Variants in FARS2 observed in about 807,000 individuals in gnomAD.
FARS2 encodes the protein phenylalanine--tRNA ligase, mitochondrial.
In FARS2, 40 loss-of-function variants were observed where a neutral mutation model predicts 46.4. The ratio of observed to expected loss-of-function variants is 0.86; its 90% CI spans 0.67 to 1.12. The LOEUF (loss-of-function observed/expected upper bound fraction) is 1.12, where lower values mean the gene tolerates loss of function less well. FARS2 is among the 50% of genes most tolerant of loss of function. The pLI, the probability that FARS2 is intolerant of heterozygous loss-of-function variation, is 0.00. For synonymous variants in FARS2, 234 were observed against 214.9 expected, an observed-to-expected ratio of 1.09 and a Z score of -0.78; for missense variants, 513 against 567.9, an observed-to-expected ratio of 0.90 and a Z score of 0.98.
intron 6 of FARS2, among the ~76,000 whole-genome samples, chr6:5,722,695 G>A (rs1289958397): frequency 6.6e-6 from 1 of 152,130 alleles, no homozygotes; most frequent in Non-Finnish European, 1.5e-5. Context: ...AGGAACCAAG[G>A]TGAGAGCTGG....
rs1395207123 is a variant in FARS2 at position 5,765,698 on chromosome 6, G to T, written c.1218-5593G>T. On this transcript the variant is annotated intron_variant, in intron 6 of 6. Transcript: ENST00000274680. The surrounding 1 kb of genome is among the most constrained non-coding windows in gnomAD (Gnocchi z 4.0). ...TGACTTCATCGCCAAGCAAGTACCA[G>T]CCCCTCCTGCTGTCATGGGCGTACT... Among the ~76,000 whole-genome samples the T allele has an allele frequency of 6.6e-6, 1 of 152,168 alleles. No individual in the cohort carries two copies. Among genetic ancestry groups the T allele is most frequent in the Non-Finnish European group, 1.5e-5 (1 of 68,036 alleles).
chr6:5,468,924 A>G (rs760051650), intron 4 of FARS2, among the ~76,000 whole-genome samples: 7 of 152,240 alleles, frequency 4.6e-5, no homozygotes, highest in Non-Finnish European at 8.8e-5. Context: ...TTGTATCCAT[A>G]TAACACAGAT....
chr6:5,727,816 C>T lies in FARS2; in HGVS notation c.1218-43475C>T, dbSNP rs113353733. 6.6e-6 allele frequency among the ~76,000 whole-genome samples: 1 copy of T among 152,274 alleles called. No homozygotes were observed. The highest frequency in any genetic ancestry group is 2.4e-5 in the African/African-American group (1 of 41,572). ...ACATTCTGCTCGTTGCCATGTGTCCCCAGCACTTGGATATGTAATGCGAGG... is the reference window on the plus strand; with the variant it reads ...ACATTCTGCTCGTTGCCATGTGTCCTCAGCACTTGGATATGTAATGCGAGG... On this transcript the variant is annotated intron_variant, in intron 6 of 6. Transcript: ENST00000274680. This position sits in a 1 kb window ranked among gnomAD's most constrained non-coding sequence, Gnocchi z 4.1.
intron 5 of FARS2, 52 bp downstream of exon 5, chr6:5,545,392 G>T: frequency 7.5e-7 from 1 of 1,340,196 alleles, no homozygotes. Flanking sequence ...GGCTGTCAAG[G>T]ATCGACAGGA....
chr6:5,378,444 T>G (rs1759529645), intron 2 of FARS2, among the ~76,000 whole-genome samples: 1 of 152,242 alleles, frequency 6.6e-6, no homozygotes, highest in Admixed American at 6.5e-5. Flanking sequence ...TTGCTGCCTT[T>G]GATATTCTCT....
intron 3 of FARS2, among the ~76,000 whole-genome samples, chr6:5,412,232 G>A (rs889262712): frequency 2.0e-5 from 3 of 152,332 alleles, no homozygotes; most frequent in Admixed American, 2.0e-4. Context: ...CAGCTGCAGG[G>A]AGCCTCCTTG....
intron 6 of FARS2, among the ~76,000 whole-genome samples, chr6:5,615,683 C>CT (rs1480104297): frequency 4.6e-5 from 7 of 152,026 alleles, no homozygotes; most frequent in Non-Finnish European, 5.9e-5. Context: ...CATATGATCG[C>CT]TTTTTTGCCG....
intron 1 of FARS2, among the ~76,000 whole-genome samples, chr6:5,330,233 A>AATAT (rs139368548): frequency 6.6e-6 from 1 of 151,734 alleles, no homozygotes; most frequent in Non-Finnish European, 1.5e-5. Context: ...ACAGTCAGCA[A>AATAT]ATATATATAT....
intron 1 of FARS2, among the ~76,000 whole-genome samples, chr6:5,314,580 G>A (rs1769314960): frequency 6.6e-6 from 1 of 152,152 alleles, no homozygotes; most frequent in Non-Finnish European, 1.5e-5. Flanking sequence ...TTTCTTCCAG[G>A]CAGAGGTGAT....
intron 3 of FARS2, among the ~76,000 whole-genome samples, chr6:5,410,456 C>T (rs1453607007): frequency 6.6e-6 from 1 of 152,158 alleles, no homozygotes. Context: ...GCCACTGCAC[C>T]TGGCCGCGTT....
rs375276548 is a variant in FARS2, at chr6:5,284,873, A to G, written c.-22+23213A>G. Among the ~76,000 whole-genome samples the G allele has an allele frequency of 1.1e-4, 17 of 152,246 alleles. No homozygotes were observed. In the South Asian group the frequency reaches 1.4e-3, roughly 13 times the overall value. ...CCTTTCGACTCCGGTGATCACTGGC[A>G]TGGGCCTCTCTCAAGCATTGCTTAA... is the stretch of plus-strand genomic sequence containing the variant. On this transcript the variant is annotated intron_variant, in intron 1 of 6. Transcript: ENST00000274680.
At chr6:5,644,416 A>G (rs1314273350) in intron 6 of FARS2, among the ~76,000 whole-genome samples, 1 of 152,064 alleles carries the variant, frequency 6.6e-6, no homozygotes, top group African/African-American at 2.4e-5. Context: ...GAGTTTCACC[A>G]TGTTGCTCAG....
At chr6:5,561,436 T>G (rs765170066) in intron 5 of FARS2, among the ~76,000 whole-genome samples, 7 of 152,116 alleles carry the variant, frequency 4.6e-5, no homozygotes, top group Non-Finnish European at 8.8e-5. Flanking sequence ...AATGGCAGTT[T>G]AACAAGGCAT....
In FARS2 at chr6:5,555,554, G is replaced by T. The variant is rs568504056; in HGVS notation, c.1065+10214G>T. ...AATAGCTTCTAGATCTGGTTTTGCT[G>T]TCATTATCATAAATGTTGTCTAATA... On this transcript the variant is annotated intron_variant, in intron 5 of 6. Coordinates refer to ENST00000274680, the MANE Select transcript of FARS2 (RefSeq NM_006567.5). 1.1e-4 allele frequency among the ~76,000 whole-genome samples: 17 copies of T among 152,156 alleles called. No individual in the cohort carries two copies. The South Asian group carries it at 3.3e-3, about 30-fold the overall frequency.
At chr6:5,260,813 C>T, upstream of FARS2, 25 of 1,526,982 alleles carry the variant, frequency 1.6e-5, no homozygotes, top group Non-Finnish European at 2.1e-5. Context: ...CCAGCCTGTG[C>T]GGAAACCACG....
chr6:5,766,330 A>G (rs1320526652), intron 6 of FARS2, among the ~76,000 whole-genome samples: 2 of 152,020 alleles, frequency 1.3e-5, no homozygotes, highest in Non-Finnish European at 2.9e-5. Context: ...CCTTGCAGCC[A>G]TCCCATTTTC....
intron 1 of FARS2, among the ~76,000 whole-genome samples, chr6:5,317,245 A>G (rs1321863906): frequency 6.6e-6 from 1 of 152,216 alleles, no homozygotes; most frequent in Admixed American, 6.5e-5. Flanking sequence ...GTTCTTTCAC[A>G]TAATAGGTTC....
At chr6:5,431,731 C>G (rs909848414) in intron 4 of FARS2, 1 of 528,568 alleles carries the variant, frequency 1.9e-6, no homozygotes, top group African/African-American at 1.9e-5. Context: ...CTACGCATAT[C>G]TATAGGCATT....
At chr6:5,282,759 A>G (rs184856642) in intron 1 of FARS2, among the ~76,000 whole-genome samples, 1 of 152,314 alleles carries the variant, frequency 6.6e-6, no homozygotes, top group East Asian at 1.9e-4. Flanking sequence ...TAAAAGGGAA[A>G]GTGGTTAAAG....
Sources: gnomAD v4.1 joint callset for allele counts (sites outside exome capture counted in the v4.1 genomes callset) on GRCh38, gnomAD v4.1.1 for gene constraint, Gnocchi (gnomAD v3.1) non-coding constraint, MANE v1.5 for transcripts, NCBI Gene and HGNC (gene_info 2026-07-23, HGNC 2026-07-21) for gene names.